The following INPP5D variants were observed in gnomAD, a reference collection of about 807,000 sequenced individuals.
INPP5D encodes the protein inositol polyphosphate-5-phosphatase D.
INPP5D carries 33 observed loss-of-function variants against 122.9 expected under a neutral mutation model. The ratio of observed to expected loss-of-function variants is 0.27; its 90% CI spans 0.20 to 0.36. The LOEUF is 0.36. Among genes scored for constraint, INPP5D ranks in the 10% least tolerant of loss-of-function variants. The probability of loss-of-function intolerance (pLI) is 1.00; values close to 1 mark genes in which losing one functional copy is unlikely to be tolerated. For missense variants in INPP5D, 1,053 were observed against 1,412.7 expected, an observed-to-expected ratio of 0.75 and a Z score of 4.08; for synonymous variants, 584 against 576.2, an observed-to-expected ratio of 1.01 and a Z score of -0.19.
intron 2 of INPP5D, among the ~76,000 whole-genome samples, chr2:233,080,637 G>C (rs1333104963): frequency 6.6e-6 from 1 of 152,154 alleles, no homozygotes; most frequent in Non-Finnish European, 1.5e-5. Flanking sequence ...AGTGGGAGGG[G>C]AGAGGCAGGG....
intron 1 of INPP5D, among the ~76,000 whole-genome samples, chr2:233,066,013 G>C (rs1426681320): frequency 2.0e-5 from 3 of 151,566 alleles, no homozygotes; most frequent in African/African-American, 7.3e-5. Context: ...GCCCAGGTTG[G>C]AGTGCAGTGG....
In INPP5D at chr2:233,190,663, T is replaced by C. The variant is rs577020411; in HGVS notation, c.2446+726T>C. 2.0e-3 allele frequency among the ~76,000 whole-genome samples: 298 copies of C among 152,298 alleles called. 3 individuals are homozygous for C. Among genetic ancestry groups the C allele is most frequent in the Non-Finnish European group, 3.2e-3 (217 of 68,028 alleles). On this transcript the variant is annotated intron_variant, in intron 22 of 26. Transcript: ENST00000445964. The stretch of plus-strand genomic sequence containing the variant: ...GCCAGAGAGACAGCAGGGGCTTTTG[T>C]ACCATCTCTGCCTGTTTGTGGCTCC...
At chr2:233,192,685 T>G (rs1695084842) in intron 22 of INPP5D, among the ~76,000 whole-genome samples, 1 of 152,252 alleles carries the variant, frequency 6.6e-6, no homozygotes, top group Non-Finnish European at 1.5e-5. Flanking sequence ...GTGCTATCAG[T>G]AACACTGAGA....
chr2:233,201,735 C>T (rs988851332), intron 25 of INPP5D, among the ~76,000 whole-genome samples: 32 of 152,346 alleles, frequency 2.1e-4, no homozygotes, highest in African/African-American at 7.7e-4. Flanking sequence ...CTGGTGACCC[C>T]AGATCGAAGC....
At chr2:233,079,236 C>T (rs1323421636) in intron 1 of INPP5D, 99 bp from the exon 2 acceptor site, 2 of 774,252 alleles carry the variant, frequency 2.6e-6, no homozygotes, top group Non-Finnish European at 4.5e-6. Context: ...GACTTTGTGT[C>T]CAGATTCCTC....
At chr2:233,201,831 G>T (rs1290913191) in intron 25 of INPP5D, among the ~76,000 whole-genome samples, 1 of 152,184 alleles carries the variant, frequency 6.6e-6, no homozygotes, top group Non-Finnish European at 1.5e-5. Flanking sequence ...AATCTGAGAA[G>T]TACAGTCATT....
chr2:233,072,107 G>T (rs76251194), intron 1 of INPP5D, among the ~76,000 whole-genome samples: 1 of 152,164 alleles, frequency 6.6e-6, no homozygotes, highest in Non-Finnish European at 1.5e-5. Flanking sequence ...AATCGCTATG[G>T]ACCACCTGGG....
In INPP5D at chr2:233,177,871, G is replaced by A. The variant is rs1009089957; in HGVS notation, c.2071+525G>A. On this transcript the variant is annotated intron_variant, in intron 18 of 26. Coordinates refer to ENST00000445964, the MANE Select transcript of INPP5D (RefSeq NM_001017915.3). The surrounding 1 kb of genome is among the most constrained non-coding windows in gnomAD (Gnocchi z 4.2). ...ATTACAGGCATGAGCCACCGCGGCC[G>A]ACCCGGAGCACTTTTTTAAAAATTC... Among the ~76,000 whole-genome samples the A allele has an allele frequency of 3.9e-5, 6 of 152,126 alleles. No individual in the cohort carries two copies. Among genetic ancestry groups the A allele is most frequent in the Non-Finnish European group, 7.3e-5 (5 of 68,032 alleles).
chr2:233,163,829 C>T lies in INPP5D; in HGVS notation c.1363C>T (p.Pro455Ser), dbSNP rs753837991. The T allele has an allele frequency of 1.2e-6, 2 of 1,613,926 alleles. No individual in the cohort carries two copies. Among genetic ancestry groups the T allele is most frequent in the Non-Finnish European group, 1.7e-6 (2 of 1,179,890 alleles). The part of the protein sequence containing the change: ...DIYVIGTQED[P>S]LSEKEWLEIL... ...TTACGTGATCGGCACCCAAGAGGACCCCCTGAGTGAGAAGGAGTGGCTGGA... is the reference window on the plus strand; with the variant it reads ...TTACGTGATCGGCACCCAAGAGGACTCCCTGAGTGAGAAGGAGTGGCTGGA... The change falls in exon 12 of 27, where the codon CCC becomes TCC. Residue 455 changes from proline to serine, a missense_variant. Pro to Ser is a moderately conservative substitution (Grantham distance 74). This residue lies in a region of INPP5D where 105 missense variants were observed against 199.8 expected (regional missense o/e 0.53). Transcript: ENST00000445964.
chr2:233,133,247 G>A (rs1441457189), intron 5 of INPP5D, among the ~76,000 whole-genome samples: 1 of 152,140 alleles, frequency 6.6e-6, no homozygotes, highest in Non-Finnish European at 1.5e-5. Context: ...AGTAATTTTA[G>A]TAAATGTCAT....
intron 11 of INPP5D, among the ~76,000 whole-genome samples, chr2:233,163,138 C>T (rs1328078102): frequency 6.6e-6 from 1 of 152,224 alleles, no homozygotes; most frequent in Non-Finnish European, 1.5e-5. Flanking sequence ...GTTTGCTCAT[C>T]CTTCAAGGGC....
chr2:233,179,645 G>C (rs1174757695), intron 18 of INPP5D, among the ~76,000 whole-genome samples: 2 of 152,158 alleles, frequency 1.3e-5, no homozygotes, highest in Non-Finnish European at 2.9e-5. Context: ...GGCTGGGTTT[G>C]GGAGGTGACA....
At chr2:233,071,694 G>T (rs1349044876) in intron 1 of INPP5D, among the ~76,000 whole-genome samples, 1 of 151,998 alleles carries the variant, frequency 6.6e-6, no homozygotes, top group East Asian at 1.9e-4. Flanking sequence ...TTTAAATTTT[G>T]TAATTTTCTT....
At chr2:233,144,141 GTCTGGT>G (rs1693686552) in intron 6 of INPP5D, among the ~76,000 whole-genome samples, 1 of 149,324 alleles carries the variant, frequency 6.7e-6, no homozygotes. Flanking sequence ...ATCACGGTGG[GTCTGGT>G]AGGGGTAGAG....
intron 6 of INPP5D, chr2:233,145,159 C>T: frequency 2.2e-6 from 1 of 451,626 alleles, no homozygotes. Flanking sequence ...GGCAGCATGT[C>T]TAACATAGAA....
intron 17 of INPP5D, chr2:233,171,399 T>G: frequency 2.3e-6 from 1 of 426,872 alleles, no homozygotes; most frequent in South Asian, 5.1e-5. Flanking sequence ...CTGAGAGGAC[T>G]TTAAAGTATT....
intron 2 of INPP5D, among the ~76,000 whole-genome samples, chr2:233,112,300 T>C (rs765317580): frequency 1.3e-5 from 2 of 152,238 alleles, no homozygotes; most frequent in Non-Finnish European, 2.9e-5. Context: ...TTTTATTCGA[T>C]GGATTATAAT....
chr2:233,178,386 C>T (rs1329085111), intron 18 of INPP5D, among the ~76,000 whole-genome samples: 2 of 152,114 alleles, frequency 1.3e-5, no homozygotes, highest in African/African-American at 4.8e-5. Flanking sequence ...CCATTACTTA[C>T]GAAGTGAGAC....
At chr2:233,103,035 G>A (rs1197344237) in intron 2 of INPP5D, among the ~76,000 whole-genome samples, 1 of 152,096 alleles carries the variant, frequency 6.6e-6, no homozygotes, top group African/African-American at 2.4e-5. Context: ...TGTTGTCTTG[G>A]GTGCATGCAT....
Sources: allele counts gnomAD v4.1 joint callset (sites outside exome capture counted in the v4.1 genomes callset), GRCh38; gene constraint gnomAD v4.1.1; regional missense constraint gnomAD v4.1.1; non-coding constraint Gnocchi (gnomAD v3.1); transcripts MANE v1.5; gene names NCBI Gene and HGNC (gene_info 2026-07-23, HGNC 2026-07-21).